Variants in LHPP observed in about 807,000 individuals in gnomAD.
LHPP encodes phospholysine phosphohistidine inorganic pyrophosphate phosphatase.
LHPP carries 24 observed loss-of-function variants against 30.3 expected under a neutral mutation model. The ratio of observed to expected loss-of-function variants is 0.79; its 90% confidence interval spans 0.57 to 1.11. LHPP has a LOEUF of 1.11. Ranked by LOEUF, LHPP falls within the 50% of genes most tolerant of loss-of-function variation. The pLI, the probability that LHPP is intolerant of heterozygous loss-of-function variation, is 0.00. For synonymous variants in LHPP, 150 were observed against 157.1 expected (o/e 0.95, Z 0.34); for missense variants, 356 against 367.2 (o/e 0.97, Z 0.25).
At position 124,546,855 on chromosome 10, in the gene LHPP, T is replaced by C. The variant is rs1955360725; in HGVS notation, c.716+29584T>C. On this transcript the variant is annotated intron_variant, in intron 6 of 6. Transcript: ENST00000368842. ...ACTTTGTTTTATATCAGTTTTTAGA[T>C]ACAAAAATAGTACAGGTAGAATTCG... Among the ~76,000 whole-genome samples, 4 of 152,254 alleles carry C rather than the reference T, an allele frequency of 2.6e-5. No homozygotes were observed. In the South Asian group the frequency reaches 8.3e-4, roughly 32 times the overall value.
At chr10:124,567,974 G>A (rs1246580408) in intron 6 of LHPP, among the ~76,000 whole-genome samples, 1 of 152,128 alleles carries the variant, frequency 6.6e-6, no homozygotes, top group Non-Finnish European at 1.5e-5. Context: ...GTGCAGTGGC[G>A]CGATCTCGGC....
At chr10:124,568,946 T>TC (rs36056203) in intron 6 of LHPP, among the ~76,000 whole-genome samples, 34,690 of 151,756 alleles carry the variant, frequency 0.23, 4,893 homozygotes, top group East Asian at 0.31. Flanking sequence ...GCATGTTCTG[T>TC]CCCCCCCACG....
chr10:124,491,611 C>G (rs1953531966), intron 3 of LHPP, among the ~76,000 whole-genome samples: 1 of 152,216 alleles, frequency 6.6e-6, no homozygotes, highest in Non-Finnish European at 1.5e-5. Context: ...CATTCTAGAG[C>G]AGACTTTTTG....
intron 6 of LHPP, among the ~76,000 whole-genome samples, chr10:124,573,615 T>C (rs1783422638): frequency 6.6e-6 from 1 of 152,228 alleles, no homozygotes; most frequent in Non-Finnish European, 1.5e-5. Context: ...CCAGTCTTTA[T>C]TTGGATTTTA....
At chr10:124,530,915 C>T (rs1360839584) in intron 6 of LHPP, among the ~76,000 whole-genome samples, 2 of 88,410 alleles carry the variant, frequency 2.3e-5, no homozygotes, top group Non-Finnish European at 4.7e-5. Context: ...CTCACCAGCC[C>T]GTCCTTCTTG....
chr10:124,497,256 TCCTC>T (rs1953747442), intron 4 of LHPP, among the ~76,000 whole-genome samples: 4 of 64,242 alleles, frequency 6.2e-5, no homozygotes, highest in South Asian at 2.2e-3. Context: ...ATCCTCCCCA[TCCTC>T]CCCATCCTCC....
At chr10:124,491,821 A>G (rs928654370) in intron 3 of LHPP, among the ~76,000 whole-genome samples, 7 of 152,222 alleles carry the variant, frequency 4.6e-5, no homozygotes, top group Admixed American at 3.3e-4. Flanking sequence ...GCTACTCGGG[A>G]GGCTGACGCA....
Position 124,496,439 on chromosome 10 carries a change from T to A in LHPP, c.468-522T>A, listed in dbSNP as rs1722643639. 6.6e-6 allele frequency among the ~76,000 whole-genome samples: 1 copy of A among 152,176 alleles called. No homozygotes were observed. The highest frequency in any genetic ancestry group is 2.4e-5 in the African/African-American group (1 of 41,452). ...ACAGTTGTCTTCTCATAAAAGCATC[T>A]GGCGCCCATGAAACCTGGCACCTCG... On this transcript the variant is annotated intron_variant, in intron 3 of 6. Transcript: ENST00000368842. The surrounding 1 kb of genome is among the most constrained non-coding windows in gnomAD (Gnocchi z 4.3).
chr10:124,528,944 A>T (rs1954812512), intron 6 of LHPP, among the ~76,000 whole-genome samples: 1 of 151,348 alleles, frequency 6.6e-6, no homozygotes, highest in South Asian at 2.1e-4. Context: ...CCCTGGGGCC[A>T]CCACATAACA....
At chr10:124,610,659 C>A (rs369369039) in intron 6 of LHPP, among the ~76,000 whole-genome samples, 2 of 33,980 alleles carry the variant, frequency 5.9e-5, no homozygotes, top group Admixed American at 2.4e-4. Context: ...GGTGAGGGTG[C>A]GGGTGAGGGT....
At chr10:124,527,855 A>G (rs1302679368) in intron 6 of LHPP, among the ~76,000 whole-genome samples, 3 of 151,396 alleles carry the variant, frequency 2.0e-5, no homozygotes, top group Non-Finnish European at 2.9e-5. Flanking sequence ...ATCATGGCCC[A>G]CTGCAGCCTG....
chr10:124,543,033 G>A (rs1955239576), intron 6 of LHPP, among the ~76,000 whole-genome samples: 1 of 152,166 alleles, frequency 6.6e-6, no homozygotes, highest in Non-Finnish European at 1.5e-5. Context: ...GGGCTGCTGT[G>A]CCACACCTCA....
At chr10:124,534,884 G>A (rs551731423) in intron 6 of LHPP, among the ~76,000 whole-genome samples, 2 of 152,342 alleles carry the variant, frequency 1.3e-5, no homozygotes, top group African/African-American at 4.8e-5. Context: ...GGAAAGGAAA[G>A]GGAAAGAAAG....
chr10:124,463,024 C>T (rs1284048301), intron 1 of LHPP, among the ~76,000 whole-genome samples: 1 of 152,122 alleles, frequency 6.6e-6, no homozygotes, highest in East Asian at 1.9e-4. Context: ...TGTGCCACCA[C>T]ACCCGGCTAA....
rs1466881100 is a variant in LHPP at position 124,596,335 on chromosome 10, CCA to C, written c.717-16928_717-16927del. Among the ~76,000 whole-genome samples the C allele has an allele frequency of 6.6e-6, 1 of 152,130 alleles. No individual in the cohort carries two copies. Among genetic ancestry groups the C allele is most frequent in the Admixed American group, 6.6e-5 (1 of 15,266 alleles). On this transcript the variant is annotated intron_variant, in intron 6 of 6. Coordinates refer to ENST00000368842, the MANE Select transcript of LHPP (RefSeq NM_022126.4). The surrounding 1 kb of genome is among the most constrained non-coding windows in gnomAD (Gnocchi z 4.6). ...TAGGAGACTCTTGCCAAACATTTCT[CCA>C]GAGTGTCTGATGTACCATGTTGCGC...
chr10:124,599,617 C>A (rs34769816), intron 6 of LHPP, among the ~76,000 whole-genome samples: 23,873 of 152,280 alleles, frequency 0.16, 2,058 homozygotes, highest in Non-Finnish European at 0.2. Context: ...TCCCACGTGT[C>A]ACTGGAATTC....
intron 6 of LHPP, among the ~76,000 whole-genome samples, chr10:124,572,210 G>A (rs1280559672): frequency 1.3e-5 from 2 of 152,176 alleles, no homozygotes; most frequent in African/African-American, 2.4e-5. Context: ...CCCTCTGGCC[G>A]CTGTTTGAGA....
chr10:124,569,971 C>T (rs1235598027), intron 6 of LHPP, among the ~76,000 whole-genome samples: 2 of 152,154 alleles, frequency 1.3e-5, no homozygotes, highest in Admixed American at 6.5e-5. Context: ...ACCCCCCGAC[C>T]CCAGGTCACC....
chr10:124,598,424 C>T (rs1181900180), intron 6 of LHPP, among the ~76,000 whole-genome samples: 1 of 152,218 alleles, frequency 6.6e-6, no homozygotes, highest in Non-Finnish European at 1.5e-5. Context: ...AGGAGTGTGG[C>T]ACTGTGAGCC....
Sources: gnomAD v4.1 joint callset for allele counts (sites outside exome capture counted in the v4.1 genomes callset) on GRCh38, gnomAD v4.1.1 for gene constraint, Gnocchi (gnomAD v3.1) non-coding constraint, MANE v1.5 for transcripts, NCBI Gene and HGNC (gene_info 2026-07-23, HGNC 2026-07-21) for gene names.